Variants in WDR64 observed in about 807,000 individuals in gnomAD.
WDR64 encodes the protein WD repeat-containing protein 64.
Under a neutral mutation model 139.3 loss-of-function variants are expected in WDR64, and 112 were observed. That is an observed-to-expected ratio of 0.80 (90% CI 0.69 to 0.94). The LOEUF (loss-of-function observed/expected upper bound fraction) is 0.94. Ranked by LOEUF, WDR64 falls within the 40% of genes least tolerant of loss-of-function variation. The pLI, the probability that WDR64 is intolerant of heterozygous loss-of-function variation, is 0.00. For synonymous variants in WDR64, 444 were observed against 437.7 expected (o/e 1.01, Z -0.18); for missense variants, 1,206 against 1,293.1 (o/e 0.93, Z 1.03).
Position 241,772,938 on chromosome 1 carries a change from G to T in WDR64, c.2430+7G>T. ...CCGCTTGTGGACTCTGGAGGTAATGGAACCCAGCAAGTCTGGGAATAGGAA... is the reference window on the plus strand; with the variant it reads ...CCGCTTGTGGACTCTGGAGGTAATGTAACCCAGCAAGTCTGGGAATAGGAA... On this transcript the variant is annotated splice_region_variant and intron_variant, in intron 20 of 27. Coordinates refer to ENST00000437684, the MANE Select transcript of WDR64 (RefSeq NM_001367482.1). 1 of 1,547,632 alleles carries T rather than the reference G, an allele frequency of 6.5e-7. No homozygotes were observed. The highest frequency in any genetic ancestry group is 8.7e-7 in the Non-Finnish European group (1 of 1,144,892).
intron 2 of WDR64, among the ~76,000 whole-genome samples, chr1:241,670,098 T>G (rs1666165813): frequency 6.6e-6 from 1 of 152,216 alleles, no homozygotes; most frequent in African/African-American, 2.4e-5. Context: ...TATTTTTAAG[T>G]TCGCTCATTA....
intron 16 of WDR64, among the ~76,000 whole-genome samples, chr1:241,768,697 T>C (rs1217737603): frequency 2.0e-5 from 3 of 152,172 alleles, no homozygotes; most frequent in Non-Finnish European, 2.9e-5. Flanking sequence ...GTAAGGTCTA[T>C]TTGCTATAAT....
At position 241,784,953 on chromosome 1, in the gene WDR64, G is replaced by GGAAAAAAAAAAAAAAAAAAAA. The variant is rs766802128; in HGVS notation, c.2705+1572_2705+1573insGAAAAAAAAAAAAAAAAAAAA. On this transcript the variant is annotated intron_variant, in intron 23 of 27. Coordinates refer to ENST00000437684, the MANE Select transcript of WDR64 (RefSeq NM_001367482.1). Reference sequence around the variant, plus strand: ...TGGGCGACAGAGTGAGACTCTGTCTGAAAAAAAAAAAAAAAAAAAAAAAGA... The same window carrying GGAAAAAAAAAAAAAAAAAAAA: ...TGGGCGACAGAGTGAGACTCTGTCTGGAAAAAAAAAAAAAAAAAAAAAAAAAAAAAAAAAAAAAAAAAAAGA... Among the ~76,000 whole-genome samples, 14 of 62,246 alleles carry GGAAAAAAAAAAAAAAAAAAAA rather than the reference G, an allele frequency of 2.2e-4. 3 individuals carry two copies. Among genetic ancestry groups the GGAAAAAAAAAAAAAAAAAAAA allele is most frequent in the South Asian group, 9.0e-4 (1 of 1,108 alleles). 40.8% of individuals were successfully genotyped at this position (62,246 alleles called of 152,430 possible). A position where few individuals can be genotyped will look rare whatever the true frequency, so the allele number is the denominator to read the frequency against.
chr1:241,732,331 T>C (rs929196385), intron 10 of WDR64, among the ~76,000 whole-genome samples: 2 of 152,188 alleles, frequency 1.3e-5, no homozygotes, highest in Admixed American at 6.6e-5. Context: ...CTATTTGTCA[T>C]CTATCTACTC....
chr1:241,732,801 C>G (rs928399827), intron 10 of WDR64, among the ~76,000 whole-genome samples: 2 of 150,628 alleles, frequency 1.3e-5, no homozygotes, highest in Admixed American at 6.6e-5. Context: ...GCCTGGGCAA[C>G]AAGAGTGAAA....
chr1:241,666,181 C>T (rs892073728), intron 2 of WDR64, among the ~76,000 whole-genome samples: 2 of 152,048 alleles, frequency 1.3e-5, no homozygotes, highest in Non-Finnish European at 2.9e-5. Context: ...TGATAAAATA[C>T]TCAAATCTTG....
chr1:241,682,641 T>C (rs1356808273), intron 6 of WDR64, among the ~76,000 whole-genome samples: 4 of 152,088 alleles, frequency 2.6e-5, no homozygotes, highest in Non-Finnish European at 4.4e-5. Flanking sequence ...AATTTTAGGA[T>C]TTTTTTTCTA....
At chr1:241,771,307 ATCTGAGTT>A (rs1454067212) in intron 18 of WDR64, among the ~76,000 whole-genome samples, 2 of 152,162 alleles carry the variant, frequency 1.3e-5, no homozygotes, top group Non-Finnish European at 2.9e-5. Context: ...CTGCCACTTA[ATCTGAGTT>A]TCTGTTTCTG....
intron 8 of WDR64, among the ~76,000 whole-genome samples, chr1:241,698,352 CT>C (rs749779041): frequency 2.6e-5 from 4 of 151,988 alleles, no homozygotes; most frequent in Non-Finnish European, 5.9e-5. Context: ...TCTGTCCTGT[CT>C]TCTTTATCTC....
intron 8 of WDR64, among the ~76,000 whole-genome samples, chr1:241,692,028 T>TAAA (rs77284427): frequency 8.8e-6 from 1 of 113,740 alleles, no homozygotes; most frequent in Non-Finnish European, 1.9e-5. Flanking sequence ...AATAAAAAAA[T>TAAA]AAAAAAAAAA....
At chr1:241,791,677 A>G (rs113638223) in intron 25 of WDR64, among the ~76,000 whole-genome samples, 2 of 110,508 alleles carry the variant, frequency 1.8e-5, no homozygotes, top group East Asian at 2.2e-4. Context: ...GTCTGGGGGA[A>G]AAAAAAAAAG....
chr1:241,757,654 T>TC (rs1000435429), intron 15 of WDR64, among the ~76,000 whole-genome samples, 195 bp downstream of exon 15: 3 of 142,894 alleles, frequency 2.1e-5, no homozygotes, highest in African/African-American at 8.0e-5. Flanking sequence ...GATTTGTTTT[T>TC]TTTTTTTTTT....
At chr1:241,678,259 C>A in intron 5 of WDR64, 43 bp downstream of exon 5, 1 of 398,774 alleles carries the variant, frequency 2.5e-6, no homozygotes, top group Non-Finnish European at 4.4e-6. Context: ...AAAGTTAGGG[C>A]TATGATGATG....
chr1:241,705,026 C>A (rs149076967), intron 8 of WDR64, among the ~76,000 whole-genome samples: 14 of 152,064 alleles, frequency 9.2e-5, no homozygotes, highest in Non-Finnish European at 1.6e-4. Flanking sequence ...ATGGGAGTGG[C>A]GGTTGGGGCG....
At chr1:241,735,533 C>CTTTTTTTTTTTTTTTTTTTT in intron 10 of WDR64, among the ~76,000 whole-genome samples, 1 of 103,514 alleles carries the variant, frequency 9.7e-6, no homozygotes, top group Non-Finnish European at 1.9e-5. Flanking sequence ...CTCTCTCTCT[C>CTTTTTTTTTTTTTTTTTTTT]TTTTTTTTTT....
chr1:241,673,192 T>TG (rs1021536056), intron 3 of WDR64, among the ~76,000 whole-genome samples: 1 of 102,034 alleles, frequency 9.8e-6, no homozygotes, highest in East Asian at 3.5e-4. Flanking sequence ...TGTTGTGGGG[T>TG]GGGGGGAGGG....
intron 7 of WDR64, among the ~76,000 whole-genome samples, chr1:241,684,249 A>T (rs1004074411): frequency 2.0e-5 from 3 of 152,226 alleles, no homozygotes; most frequent in Non-Finnish European, 4.4e-5. Context: ...CAGGTCTTAG[A>T]GTTCAATTAA....
intron 13 of WDR64, among the ~76,000 whole-genome samples, chr1:241,748,632 T>C (rs1011690931): frequency 6.6e-6 from 1 of 152,138 alleles, no homozygotes; most frequent in Non-Finnish European, 1.5e-5. Flanking sequence ...ACAGAAAGTA[T>C]AATTTTAAGT....
At chr1:241,680,129 CAT>C (rs1440684960) in intron 6 of WDR64, among the ~76,000 whole-genome samples, 1 of 152,096 alleles carries the variant, frequency 6.6e-6, no homozygotes, top group Non-Finnish European at 1.5e-5. Context: ...CATGAATAAA[CAT>C]AATATATAAT....
Sources: gnomAD v4.1 joint callset for allele counts (sites outside exome capture counted in the v4.1 genomes callset) on GRCh38, gnomAD v4.1.1 for gene constraint, MANE v1.5 for transcripts, NCBI Gene and HGNC (gene_info 2026-07-23, HGNC 2026-07-21) for gene names.